The following HHAT variants were observed in gnomAD, a reference collection of about 807,000 sequenced individuals.
HHAT encodes the protein hedgehog acyltransferase, also known as protein-cysteine N-palmitoyltransferase HHAT.
A neutral mutation model predicts 70.8 loss-of-function variants in HHAT; 47 were observed. The ratio of observed to expected loss-of-function variants is 0.66; its 90% CI spans 0.53 to 0.85. The LOEUF (loss-of-function observed/expected upper bound fraction) is 0.85. Among genes scored for constraint, HHAT ranks in the 40% least tolerant of loss-of-function variants. The pLI is 0.00. For missense variants in HHAT, 609 were observed against 604.8 expected, an observed-to-expected ratio of 1.01 and a Z score of -0.07; for synonymous variants, 228 against 247.6, an observed-to-expected ratio of 0.92 and a Z score of 0.74.
chr1:210,667,090 A>C (rs1362039922), intron 11 of HHAT, among the ~76,000 whole-genome samples: 1 of 151,006 alleles, frequency 6.6e-6, no homozygotes, highest in Non-Finnish European at 1.5e-5. Flanking sequence ...AAAAAAAAAA[A>C]ATGAATTCTG....
intron 9 of HHAT, among the ~76,000 whole-genome samples, chr1:210,558,729 A>G (rs2095595296): frequency 6.6e-6 from 1 of 151,170 alleles, no homozygotes; most frequent in Non-Finnish European, 1.5e-5. Context: ...TTGAACCTCC[A>G]AAATAGCTCT....
intron 10 of HHAT, among the ~76,000 whole-genome samples, chr1:210,614,420 T>C (rs934140482): frequency 2.6e-5 from 4 of 152,252 alleles, no homozygotes; most frequent in African/African-American, 7.2e-5. Flanking sequence ...TTTAAATATA[T>C]ATTTATTATA....
intron 10 of HHAT, among the ~76,000 whole-genome samples, chr1:210,614,412 T>A (rs866484600): frequency 1.1e-4 from 17 of 152,264 alleles, no homozygotes; most frequent in African/African-American, 3.1e-4. Flanking sequence ...AAAAATTTTT[T>A]AAATATATAT....
chr1:210,581,759 C>G (rs1282687425), intron 9 of HHAT, among the ~76,000 whole-genome samples: 1 of 152,212 alleles, frequency 6.6e-6, no homozygotes, highest in African/African-American at 2.4e-5. Flanking sequence ...GTACCTGGTA[C>G]AGGACCTTAT....
intron 5 of HHAT, 150 bp from the exon 6 acceptor site, chr1:210,404,313 GC>G: frequency 1.6e-6 from 1 of 620,674 alleles, no homozygotes; most frequent in Admixed American, 2.8e-5. Context: ...GCCTTTTATG[GC>G]ACAGCTGCTC....
chr1:210,413,063 C>G (rs1398418676), intron 6 of HHAT, among the ~76,000 whole-genome samples: 1 of 152,210 alleles, frequency 6.6e-6, no homozygotes, highest in African/African-American at 2.4e-5. Flanking sequence ...TCCCCCAGGC[C>G]TTTGCACTCT....
chr1:210,630,942 C>A, intron 11 of HHAT: 1 of 420,318 alleles, frequency 2.4e-6, no homozygotes, highest in Non-Finnish European at 4.7e-6. Flanking sequence ...TAATTTTGAG[C>A]CCCTAGATCG....
chr1:210,572,398 T>G (rs1203824988), intron 9 of HHAT, among the ~76,000 whole-genome samples: 1 of 152,144 alleles, frequency 6.6e-6, no homozygotes, highest in Admixed American at 6.5e-5. Flanking sequence ...TGTCAGTGTT[T>G]TGTGAGGGGT....
intron 9 of HHAT, among the ~76,000 whole-genome samples, chr1:210,562,926 G>A (rs978252172): frequency 2.0e-5 from 3 of 151,238 alleles, no homozygotes; most frequent in Non-Finnish European, 2.9e-5. Flanking sequence ...TTGTCCTTGC[G>A]ATAGTTTGCT....
intron 7 of HHAT, 37 bp downstream of exon 7, chr1:210,418,362 A>G: frequency 1.3e-6 from 2 of 1,541,654 alleles, no homozygotes; most frequent in East Asian, 2.3e-5. Flanking sequence ...GATGAGCCCC[A>G]ATAGTCCAAC....
In HHAT at chr1:210,370,608, C is replaced by CTTT. The variant is rs1196009836; in HGVS notation, c.159+7690_159+7691insTTT. Among the ~76,000 whole-genome samples, 16 of 102,718 alleles carry CTTT rather than the reference C, an allele frequency of 1.6e-4. 1 individual carries two copies. Among genetic ancestry groups the CTTT allele is most frequent in the African/African-American group, 6.0e-4 (14 of 23,384 alleles). 67.4% of individuals were successfully genotyped at this position (102,718 alleles called of 152,430 possible). A position where few individuals can be genotyped will look rare whatever the true frequency, so the allele number is the denominator to read the frequency against. On this transcript the variant is annotated intron_variant, in intron 3 of 11. Transcript: ENST00000261458. ...TGTTTATCCATTCACATTGCAGATG[C>CTTT]TATTTTTTTTTTTTTTTTTTTTTGG...
At chr1:210,353,775 A>T (rs2147991050) in intron 2 of HHAT, among the ~76,000 whole-genome samples, 1 of 151,440 alleles carries the variant, frequency 6.6e-6, no homozygotes, top group Non-Finnish European at 1.5e-5. Flanking sequence ...TCTTTTCAGC[A>T]TTTGGCTTTA....
intron 11 of HHAT, among the ~76,000 whole-genome samples, chr1:210,668,270 G>A (rs1471236643): frequency 6.6e-6 from 1 of 152,108 alleles, no homozygotes; most frequent in African/African-American, 2.4e-5. Context: ...TATGAACATG[G>A]CATACAAATA....
intron 9 of HHAT, among the ~76,000 whole-genome samples, chr1:210,551,926 C>T (rs1446522083): frequency 6.6e-6 from 1 of 152,318 alleles, no homozygotes; most frequent in Non-Finnish European, 1.5e-5. Flanking sequence ...GATTTTCTGC[C>T]AAGTGGCTAA....
At chr1:210,638,142 A>T (rs1021282379) in intron 11 of HHAT, among the ~76,000 whole-genome samples, 9 of 152,334 alleles carry the variant, frequency 5.9e-5, no homozygotes, top group African/African-American at 2.2e-4. Context: ...TAGTTTCTTA[A>T]AAAGTTAAAC....
chr1:210,429,284 T>A (rs1290711049), intron 7 of HHAT, among the ~76,000 whole-genome samples: 1 of 151,846 alleles, frequency 6.6e-6, no homozygotes, highest in Non-Finnish European at 1.5e-5. Context: ...ATATCTAATA[T>A]CTAGTCTGTC....
intron 11 of HHAT, among the ~76,000 whole-genome samples, chr1:210,632,659 T>G (rs1041105809): frequency 3.3e-5 from 5 of 152,240 alleles, no homozygotes; most frequent in Non-Finnish European, 7.3e-5. Context: ...CTGCGTTCGA[T>G]TTTACAAGCT....
At chr1:210,542,496 A>AAAAAAAT (rs56743887) in intron 9 of HHAT, among the ~76,000 whole-genome samples, 34 of 149,436 alleles carry the variant, frequency 2.3e-4, no homozygotes, top group African/African-American at 4.9e-4. Context: ...TTAAAAAAAA[A>AAAAAAAT]ATATATATAT....
At chr1:210,512,659 A>G (rs1473929082) in intron 8 of HHAT, among the ~76,000 whole-genome samples, 1 of 141,018 alleles carries the variant, frequency 7.1e-6, no homozygotes, top group East Asian at 2.2e-4. Context: ...TGACAAAGGA[A>G]GACCTTGTCT....
Sources: allele counts gnomAD v4.1 joint callset (sites outside exome capture counted in the v4.1 genomes callset), GRCh38; gene constraint gnomAD v4.1.1; transcripts MANE v1.5; gene names NCBI Gene and HGNC (gene_info 2026-07-23, HGNC 2026-07-21).